The following IQGAP3 variants were observed in gnomAD, a reference collection of about 807,000 sequenced individuals.
The protein encoded by IQGAP3 is ras GTPase-activating-like protein IQGAP3.
IQGAP3 carries 165 observed loss-of-function variants against 208.2 expected under a neutral mutation model. The observed-to-expected ratio is 0.79, with a 90% confidence interval of 0.70 to 0.90. IQGAP3 has a LOEUF of 0.90. Among genes scored for constraint, IQGAP3 ranks in the 40% least tolerant of loss-of-function variants. IQGAP3 has a pLI of 0.00. For synonymous variants in IQGAP3, 703 were observed against 803.6 expected, an observed-to-expected ratio of 0.87 and a Z score of 2.12; for missense variants, 1,811 against 2,043.1, an observed-to-expected ratio of 0.89 and a Z score of 2.19.
rs779481394 is a variant in IQGAP3, at chr1:156,550,274, A to G, written c.1812T>C (p.Asn604=). Residue 604 remains asparagine, a synonymous_variant, in exon 16 of 38, where the codon AAT becomes AAC. Coordinates refer to ENST00000361170, the MANE Select transcript of IQGAP3 (RefSeq NM_178229.5). ...QGVVRANQDT[N]TAQRMALGVA... is the part of the protein sequence containing the mutation. ...CAGTCCATTTACTTCTCTGAGCTGT[A>G]TTAGTGTCCTGGTTGGCTCTGACCA... 6.2e-6 allele frequency: 10 copies of G among 1,612,186 alleles called. No individual in the cohort carries two copies. The Admixed American group carries it at 1.2e-4, about 19-fold the overall frequency.
intron 12 of IQGAP3, among the ~76,000 whole-genome samples, chr1:156,555,802 A>G (rs1454149841): frequency 6.6e-6 from 1 of 152,252 alleles, no homozygotes; most frequent in Non-Finnish European, 1.5e-5. Context: ...AGCCTGGCTC[A>G]AAAGTCCACA....
intron 23 of IQGAP3, among the ~76,000 whole-genome samples, 180 bp from the exon 24 acceptor site, chr1:156,540,170 C>G (rs1674908667): frequency 6.6e-6 from 1 of 152,080 alleles, no homozygotes; most frequent in African/African-American, 2.4e-5. Context: ...CCCTGAGACT[C>G]CATCTGTTTC....
chr1:156,556,455 G>C (rs1675824441), intron 12 of IQGAP3, 78 bp downstream of exon 12: 8 of 1,423,290 alleles, frequency 5.6e-6, no homozygotes, highest in African/African-American at 1.4e-5. Context: ...ACTCACAAGA[G>C]GGTGGCCTGG....
At chr1:156,533,554 G>A (rs766224991) in intron 31 of IQGAP3, among the ~76,000 whole-genome samples, 7 of 152,120 alleles carry the variant, frequency 4.6e-5, no homozygotes, top group South Asian at 2.1e-4. Flanking sequence ...TTCATTGACC[G>A]TTTTCCATGA....
chr1:156,535,533 T>C (rs1360711812), intron 27 of IQGAP3, among the ~76,000 whole-genome samples: 1 of 152,164 alleles, frequency 6.6e-6, no homozygotes, highest in African/African-American at 2.4e-5. Flanking sequence ...AACCTCTTCT[T>C]TGAGACTCTC....
Position 156,540,723 on chromosome 1 carries a change from G to T in IQGAP3, c.2724C>A (p.Asn908Lys), listed in dbSNP as rs1674936995. Reference sequence around the variant, plus strand: ...GGCCCCATACCTGCAGAGTGATCCGGTTCTTCACCAGCAGGCCAATCTTGA... The same window carrying T: ...GGCCCCATACCTGCAGAGTGATCCGTTTCTTCACCAGCAGGCCAATCTTGA... ...MDIKIGLLVKNRITLQEVVSH... is the reference protein window; with the variant it reads ...MDIKIGLLVKKRITLQEVVSH... Residue 908 changes from asparagine to lysine, a missense_variant, in exon 23 of 38, where the codon AAC becomes AAA. By Grantham distance (94) the Asn-to-Lys change is moderately conservative. Transcript: ENST00000361170. 1.2e-6 allele frequency: 2 copies of T among 1,614,014 alleles called. No homozygotes were observed. The highest frequency in any genetic ancestry group is 1.7e-6 in the Non-Finnish European group (2 of 1,179,998).
Position 156,552,092 on chromosome 1 carries a change from G to A in IQGAP3, c.1452C>T (p.Tyr484=), listed in dbSNP as rs772895730. 1.6e-5 allele frequency: 26 copies of A among 1,614,014 alleles called. No homozygotes were observed. The highest frequency in any genetic ancestry group is 1.9e-5 in the Non-Finnish European group (22 of 1,179,934). Residue 484 remains tyrosine (Y), a synonymous_variant, in exon 14 of 38, where the codon TAC becomes TAT. Transcript: ENST00000361170. The part of the protein sequence containing the change: ...AEVEGENAQR[Y]FDALLKLRQE... ...GTCGCAATTTCAGCAGGGCATCGAA[G>A]TAACTGGCAGTGGGGTGAAGGGCAG...
chr1:156,537,315 G>C lies in IQGAP3; in HGVS notation c.3288C>G (p.Leu1096=). ...TEAQTGQRSH[L]PYDVTPEQAL... The stretch of plus-strand genomic sequence containing the variant: ...CCTGCTCCGGGGTGACATCATATGG[G>C]AGATGGCTATGAGCAGAGAGAGACA... Residue 1096 remains leucine (L), a synonymous_variant, in exon 27 of 38, where the codon CTC becomes CTG. Transcript: ENST00000361170. The C allele has an allele frequency of 6.2e-7, 1 of 1,612,616 alleles. No individual in the cohort carries two copies. The highest frequency in any genetic ancestry group is 1.1e-5 in the South Asian group (1 of 90,928).
chr1:156,540,642 A>G, intron 23 of IQGAP3, 66 bp downstream of exon 23: 1 of 1,398,872 alleles, frequency 7.1e-7, no homozygotes, highest in Non-Finnish European at 1.0e-6. Flanking sequence ...CAAGCAGAGA[A>G]TGGTCAGCAT....
Position 156,548,093 on chromosome 1 carries a change from G to C in IQGAP3, c.2284C>G (p.Pro762Ala). 6.2e-7 allele frequency: 1 copy of C among 1,613,504 alleles called. No individual in the cohort carries two copies. Among genetic ancestry groups the C allele is most frequent in the Non-Finnish European group, 8.5e-7 (1 of 1,179,718 alleles). ...GCCACCTGGATCTTGATGACTGCTGGGAGCCAGGTCCTCAGAAAGTGGGAA... is the reference window on the plus strand; with the variant it reads ...GCCACCTGGATCTTGATGACTGCTGCGAGCCAGGTCCTCAGAAAGTGGGAA... ...EHSHFLRTWLPAVIKIQAHWR... is the reference protein window; with the variant it reads ...EHSHFLRTWLAAVIKIQAHWR... Residue 762 changes from proline (P) to alanine (A), a missense_variant, in exon 19 of 38, where the codon CCA becomes GCA. By Grantham distance (27) the Pro-to-Ala change is conservative (BLOSUM62 -1). Coordinates refer to ENST00000361170, the MANE Select transcript of IQGAP3 (RefSeq NM_178229.5).
At chr1:156,556,485 C>G in intron 12 of IQGAP3, 48 bp downstream of exon 12, 2 of 1,605,436 alleles carry the variant, frequency 1.2e-6, no homozygotes, top group Non-Finnish European at 1.7e-6. Flanking sequence ...CCTGATCCCT[C>G]CAGCTGCATG....
chr1:156,553,170 T>TG (rs1345112870), intron 13 of IQGAP3, among the ~76,000 whole-genome samples: 1 of 151,986 alleles, frequency 6.6e-6, no homozygotes, highest in Non-Finnish European at 1.5e-5. Context: ...AGCAAGACCC[T>TG]GTCTCTAAAA....
intron 37 of IQGAP3, 101 bp downstream of exon 37, chr1:156,527,851 G>A: frequency 1.3e-6 from 1 of 748,278 alleles, no homozygotes; most frequent in African/African-American, 1.7e-5. Context: ...AAACTGAGCT[G>A]GTGTCATCTG....
intron 16 of IQGAP3, among the ~76,000 whole-genome samples, chr1:156,549,751 G>A (rs929566220): frequency 2.0e-5 from 3 of 152,190 alleles, no homozygotes; most frequent in Non-Finnish European, 4.4e-5. Flanking sequence ...CTCACTAGCA[G>A]ACAGACAGAT....
At position 156,566,475 on chromosome 1, in the gene IQGAP3, A is replaced by G; in HGVS notation, c.197T>C (p.Val66Ala). 6.2e-7 allele frequency: 1 copy of G among 1,613,976 alleles called. No individual in the cohort carries two copies. Among genetic ancestry groups the G allele is most frequent in the East Asian group, 2.2e-5 (1 of 44,870 alleles). Residue 66 changes from valine (V) to alanine (A), a missense_variant, in exon 3 of 38, where the codon GTG becomes GCG. Transcript: ENST00000361170. ...ACAGTGGCCTAGCTTGGCCAGCAGC[A>G]CTCCATTCCGAAGGCTCTCCTCCAG... is the stretch of plus-strand genomic sequence containing the variant. ...VELEESLRNG[V>A]LLAKLGHCFA...
At chr1:156,572,438 G>A in intron 1 of IQGAP3, 55 bp downstream of exon 1, 3 of 1,576,166 alleles carry the variant, frequency 1.9e-6, no homozygotes, top group Non-Finnish European at 2.6e-6. Context: ...GGACAGCCAA[G>A]CCCCCGACCA....
chr1:156,532,891 G>T, intron 32 of IQGAP3, 89 bp downstream of exon 32: 1 of 1,427,038 alleles, frequency 7.0e-7, no homozygotes. Flanking sequence ...CAGGAAGAAG[G>T]TGGAATGGGC....
intron 34 of IQGAP3, 88 bp from the exon 35 acceptor site, chr1:156,529,170 G>T: frequency 7.3e-7 from 1 of 1,366,072 alleles, no homozygotes; most frequent in African/African-American, 1.4e-5. Context: ...GCTACACACT[G>T]TGAGGCTCTT....
chr1:156,549,079 CT>C (rs1675414976), intron 16 of IQGAP3, among the ~76,000 whole-genome samples: 1 of 152,184 alleles, frequency 6.6e-6, no homozygotes, highest in Non-Finnish European at 1.5e-5. Context: ...AATCCCAACA[CT>C]TTGGGAGGCT....
Sources: gnomAD v4.1 joint callset for allele counts (sites outside exome capture counted in the v4.1 genomes callset) on GRCh38, gnomAD v4.1.1 for gene constraint, MANE v1.5 for transcripts, NCBI Gene and HGNC (gene_info 2026-07-23, HGNC 2026-07-21) for gene names.